Variants in UBE2V1 observed in about 807,000 individuals in gnomAD.
UBE2V1 encodes ubiquitin conjugating enzyme E2 V1.
In UBE2V1, 15 loss-of-function variants were observed where a neutral mutation model predicts 19.6. The ratio of observed to expected loss-of-function variants is 0.77; its 90% CI spans 0.51 to 1.18. The LOEUF is 1.18. Among genes scored for constraint, UBE2V1 ranks in the 50% most tolerant of loss-of-function variants. UBE2V1 has a pLI of 0.00. For synonymous variants in UBE2V1, 60 were observed against 60.7 expected (o/e 0.99, Z 0.05); for missense variants, 125 against 184.8 (o/e 0.68, Z 1.88).
intron 2 of UBE2V1, chr20:50,096,348 C>T (rs1485903246): frequency 2.8e-6 from 1 of 360,736 alleles, no homozygotes; most frequent in South Asian, 2.8e-5. Flanking sequence ...GGAATGCTGG[C>T]TATACCTAGG....
chr20:50,108,908 A>T, intron 1 of UBE2V1: 1 of 984,056 alleles, frequency 1.0e-6, no homozygotes, highest in African/African-American at 1.7e-5. Flanking sequence ...TTCTTACTAA[A>T]GCCCTTTCTC....
At chr20:50,108,892 A>C (rs2080562298) in intron 1 of UBE2V1, 2 of 976,162 alleles carry the variant, frequency 2.0e-6, no homozygotes, top group Non-Finnish European at 2.4e-6. Context: ...GGGTAGCAGT[A>C]GACACTTCTT....
At chr20:50,084,352 G>A in intron 2 of UBE2V1, 98 bp from the exon 3 acceptor site, 1 of 1,596,596 alleles carries the variant, frequency 6.3e-7, no homozygotes, top group Non-Finnish European at 8.5e-7. Flanking sequence ...TGTAGAACTG[G>A]TACATCTGCT....
chr20:50,104,093 C>G (rs1209127848), intron 1 of UBE2V1, among the ~76,000 whole-genome samples: 1 of 150,422 alleles, frequency 6.6e-6, no homozygotes, highest in South Asian at 2.1e-4. Context: ...ATCATCCTGG[C>G]CAACGTGGTG....
chr20:50,099,316 T>C (rs1395396425), intron 1 of UBE2V1, among the ~76,000 whole-genome samples: 3 of 152,200 alleles, frequency 2.0e-5, no homozygotes, highest in Non-Finnish European at 4.4e-5. Flanking sequence ...TTCTGGTCTC[T>C]AGAGCTGTGA....
In UBE2V1 at chr20:50,096,704, T is replaced by G. The variant is rs772481217; in HGVS notation, c.139A>C (p.Arg47=). 1.2e-6 allele frequency: 2 copies of G among 1,614,160 alleles called. No homozygotes were observed. Among genetic ancestry groups the G allele is most frequent in the South Asian group, 2.2e-5 (2 of 91,072 alleles). The part of the protein sequence containing the change: ...LEDDEDMTLT[R]WTGMIIGPPR... ...GGCCCAATTATCATCCCTGTCCATC[T>G]TGTAAGTGTCATGTCTTCGTCATCT... Residue 47 remains arginine (R), a synonymous_variant, in exon 2 of 4, where the codon AGA becomes CGA. Transcript: ENST00000371674.
upstream of UBE2V1, chr20:50,113,181 G>GTT (rs1198580586): frequency 9.2e-6 from 11 of 1,193,030 alleles, no homozygotes; most frequent in African/African-American, 1.5e-4. Context: ...CCCCTTACCC[G>GTT]TCCCCCGGCC....
chr20:50,098,904 A>G, intron 1 of UBE2V1: 8 of 985,374 alleles, frequency 8.1e-6, no homozygotes, highest in Non-Finnish European at 9.6e-6. Context: ...TTTGGAAAAC[A>G]CTGGCATTTT....
intron 1 of UBE2V1, among the ~76,000 whole-genome samples, chr20:50,097,933 T>C (rs2079735678): frequency 6.6e-6 from 1 of 152,188 alleles, no homozygotes; most frequent in South Asian, 2.1e-4. Context: ...GTACTTAGTA[T>C]ACATCGGGGA....
At chr20:50,093,890 G>A (rs1452163609) in intron 2 of UBE2V1, among the ~76,000 whole-genome samples, 2 of 148,938 alleles carry the variant, frequency 1.3e-5, no homozygotes, top group Admixed American at 6.8e-5. Context: ...TCGGGAGGCT[G>A]AGGCAGAGAA....
chr20:50,097,587 G>A (rs1253337053), intron 1 of UBE2V1, among the ~76,000 whole-genome samples: 1 of 152,160 alleles, frequency 6.6e-6, no homozygotes. Flanking sequence ...GCTATGGGAG[G>A]AGAGAGAGAT....
At chr20:50,095,552 A>T (rs1369747178) in intron 2 of UBE2V1, among the ~76,000 whole-genome samples, 3 of 152,266 alleles carry the variant, frequency 2.0e-5, no homozygotes, top group Non-Finnish European at 1.5e-5. Context: ...AATGAGCATT[A>T]GTGTCCTAAC....
At chr20:50,090,567 AC>A (rs2147015458) in intron 2 of UBE2V1, among the ~76,000 whole-genome samples, 1 of 152,288 alleles carries the variant, frequency 6.6e-6, no homozygotes, top group Admixed American at 6.5e-5. Context: ...ACACAGAAAG[AC>A]AAAAAGTGTA....
At chr20:50,115,397 G>T, upstream of UBE2V1, 1 of 1,382,064 alleles carries the variant, frequency 7.2e-7, no homozygotes. Flanking sequence ...TTGCTTTGGG[G>T]AGCACAGAAA....
chr20:50,086,819 T>G (rs2078940405), intron 2 of UBE2V1, among the ~76,000 whole-genome samples: 1 of 152,150 alleles, frequency 6.6e-6, no homozygotes, highest in African/African-American at 2.4e-5. Flanking sequence ...GGCTCACGCC[T>G]GTAATCCCAG....
At chr20:50,087,910 C>T (rs1255293574) in intron 2 of UBE2V1, among the ~76,000 whole-genome samples, 3 of 151,968 alleles carry the variant, frequency 2.0e-5, no homozygotes, top group African/African-American at 7.3e-5. Context: ...AAACATGGCA[C>T]CAGGTATAGA....
intron 1 of UBE2V1, among the ~76,000 whole-genome samples, chr20:50,106,506 T>C (rs1315725432): frequency 2.9e-4 from 44 of 152,134 alleles, no homozygotes; most frequent in Admixed American, 2.8e-3. Context: ...CATGTCAATC[T>C]TGGAAAACCC....
intron 1 of UBE2V1, among the ~76,000 whole-genome samples, chr20:50,103,957 C>T (rs897840307): frequency 1.3e-5 from 2 of 149,868 alleles, no homozygotes; most frequent in Non-Finnish European, 2.9e-5. Flanking sequence ...TATAATGATA[C>T]TCAATATCAA....
chr20:50,108,078 G>A lies in UBE2V1; in HGVS notation c.22+5029C>T, dbSNP rs1174731564. The stretch of plus-strand genomic sequence containing the variant: ...CCATGGAAAAGGGATGGGTTATTCT[G>A]TAATAAGAGCAGTGGGAAGGGCTTG... On this transcript the variant is annotated intron_variant, in intron 1 of 3. Transcript: ENST00000371674. 9.9e-5 allele frequency among the ~76,000 whole-genome samples: 15 copies of A among 152,188 alleles called. 1 individual carries two copies. Among genetic ancestry groups the A allele is most frequent in the Non-Finnish European group, 1.5e-5 (1 of 68,030 alleles).
Sources: allele counts gnomAD v4.1 joint callset (sites outside exome capture counted in the v4.1 genomes callset), GRCh38; gene constraint gnomAD v4.1.1; transcripts MANE v1.5; gene names NCBI Gene and HGNC (gene_info 2026-07-23, HGNC 2026-07-21).